Variants in SBF2 observed in about 807,000 individuals in gnomAD.
SBF2 encodes the protein SET binding factor 2, also known as myotubularin-related protein 13.
A neutral mutation model predicts 225.2 loss-of-function variants in SBF2; 112 were observed. The ratio of observed to expected loss-of-function variants is 0.50; its 90% CI spans 0.43 to 0.58. The LOEUF (loss-of-function observed/expected upper bound fraction) is 0.58, where lower values mean the gene tolerates loss of function less well. Ranked by LOEUF, SBF2 falls within the 20% of genes least tolerant of loss-of-function variation. The pLI is 0.00. For synonymous variants in SBF2, 763 were observed against 773.3 expected (o/e 0.99, Z 0.22); for missense variants, 1,996 against 2,206.2 (o/e 0.90, Z 1.91).
intron 1 of SBF2, among the ~76,000 whole-genome samples, chr11:10,229,703 T>C (rs552733486): frequency 2.0e-5 from 3 of 152,336 alleles, no homozygotes; most frequent in East Asian, 3.9e-4. Flanking sequence ...TCTGTTCTTT[T>C]ACATTTGCTG....
intron 2 of SBF2, among the ~76,000 whole-genome samples, chr11:10,118,351 A>G (rs1953266239): frequency 6.6e-6 from 1 of 152,202 alleles, no homozygotes; most frequent in Admixed American, 6.5e-5. Flanking sequence ...AAAACGCAAA[A>G]AGTCAAGTGT....
chr11:10,065,598 T>C (rs942500749), intron 2 of SBF2, among the ~76,000 whole-genome samples: 7 of 152,162 alleles, frequency 4.6e-5, no homozygotes, highest in Admixed American at 4.6e-4. Flanking sequence ...GGGAATATTA[T>C]GAAAAACATC....
At chr11:9,961,828 A>T (rs773704212) in intron 16 of SBF2, 129 bp downstream of exon 16, 1 of 696,266 alleles carries the variant, frequency 1.4e-6, no homozygotes, top group Non-Finnish European at 2.3e-6. Context: ...GAAATGATAG[A>T]GATACTGACG....
At chr11:10,108,700 A>G (rs1327410313) in intron 2 of SBF2, among the ~76,000 whole-genome samples, 1 of 150,540 alleles carries the variant, frequency 6.6e-6, no homozygotes, top group East Asian at 2.0e-4. Context: ...AATTTTTTGT[A>G]TTTTTAGTAG....
intron 1 of SBF2, among the ~76,000 whole-genome samples, chr11:10,279,156 A>C (rs1165751199): frequency 1.4e-5 from 2 of 147,698 alleles, no homozygotes. Context: ...TCATGCCTGT[A>C]ATCTCAGCAC....
chr11:10,218,803 C>T (rs1456418329), intron 1 of SBF2, among the ~76,000 whole-genome samples: 3 of 152,178 alleles, frequency 2.0e-5, no homozygotes, highest in South Asian at 2.1e-4. Context: ...AGTCATTAAA[C>T]CTTAAATTTC....
At chr11:10,274,410 G>C (rs920484416) in intron 1 of SBF2, among the ~76,000 whole-genome samples, 10 of 152,002 alleles carry the variant, frequency 6.6e-5, no homozygotes, top group Middle Eastern at 3.2e-3. Flanking sequence ...TTTTATTAAG[G>C]GTTTCATTTT....
intron 1 of SBF2, among the ~76,000 whole-genome samples, chr11:10,202,800 G>C (rs1957615396): frequency 6.6e-6 from 1 of 151,926 alleles, no homozygotes; most frequent in South Asian, 2.1e-4. Flanking sequence ...AAAAACAAAA[G>C]GTCCAAAAAT....
chr11:10,031,199 A>G (rs1376804584), intron 3 of SBF2, 29 bp from the exon 4 acceptor site: 1 of 1,610,832 alleles, frequency 6.2e-7, no homozygotes, highest in Non-Finnish European at 8.5e-7. Flanking sequence ...AAATCAACAA[A>G]CAGAAGGGAT....
chr11:9,781,596 G>A lies in SBF2; in HGVS notation c.5362C>T (p.His1788Tyr). 1.9e-6 allele frequency: 3 copies of A among 1,614,206 alleles called. No individual in the cohort carries two copies. The South Asian group carries it at 3.3e-5, about 18-fold the overall frequency. Reference protein sequence around the residue: ...DSGEDTSCKGHIDLAEVEMVI... With the variant: ...DSGEDTSCKGYIDLAEVEMVI... ...ATTTCTACTTCAGCCAGATCAATGT[G>A]GCCTTTACAGCTTGTGTCCTCACCT... Residue 1788 changes from histidine (H) to tyrosine (Y), a missense_variant, in exon 39 of 40, where the codon CAC (histidine) becomes TAC (tyrosine). Coordinates refer to ENST00000256190, the MANE Select transcript of SBF2 (RefSeq NM_030962.4).
At position 9,816,929 on chromosome 11, in the gene SBF2, C is replaced by T; in HGVS notation, c.3889G>A (p.Ala1297Thr). The T allele has an allele frequency of 1.2e-6, 2 of 1,614,102 alleles. No homozygotes were observed. Among genetic ancestry groups the T allele is most frequent in the East Asian group, 4.5e-5 (2 of 44,884 alleles). Reference protein sequence around the residue: ...GARLAGKDHSASFSNSSYLQN... With the variant: ...GARLAGKDHSTSFSNSSYLQN... ...AGGTAGCTGCTGTTACTGAAGGAGG[C>T]CGAGTGATCCTTGCCTGCCAGCCGG... Residue 1297 changes from alanine to threonine, a missense_variant, in exon 29 of 40, where the codon GCC (alanine) becomes ACC (threonine). Transcript: ENST00000256190.
intron 2 of SBF2, among the ~76,000 whole-genome samples, chr11:10,068,781 C>G (rs1001690263): frequency 2.6e-5 from 4 of 152,116 alleles, no homozygotes; most frequent in Admixed American, 2.6e-4. Context: ...TACCTCAAAA[C>G]TTGAATCAAT....
intron 32 of SBF2, among the ~76,000 whole-genome samples, chr11:9,805,829 G>T (rs112589225): frequency 9.2e-5 from 14 of 152,110 alleles, no homozygotes; most frequent in East Asian, 7.8e-4. Context: ...TCACCATGTT[G>T]GCCAGGATGG....
Position 9,845,649 on chromosome 11 carries a change from ATGGACTGAGGAT to A in SBF2, c.3014_3025del (p.Tyr1005_Ile1009delinsPhe). ...AGCAGCAAAAGCAAAGGTACTGAAAATGGACTGAGGATAACGGAACTTCATCAGCTGTTTCTT... is the reference window on the plus strand; with the variant it reads ...AGCAGCAAAAGCAAAGGTACTGAAAAAACGGAACTTCATCAGCTGTTTCTT... On this transcript the variant is annotated inframe_deletion, in exon 24 of 40. Coordinates refer to ENST00000256190, the MANE Select transcript of SBF2 (RefSeq NM_030962.4). 6.2e-7 allele frequency: 1 copy of A among 1,613,974 alleles called. No individual in the cohort carries two copies. The highest frequency in any genetic ancestry group is 8.5e-7 in the Non-Finnish European group (1 of 1,179,828).
intron 1 of SBF2, among the ~76,000 whole-genome samples, chr11:10,301,257 G>A (rs1343820723): frequency 2.6e-5 from 4 of 152,252 alleles, no homozygotes; most frequent in Admixed American, 6.5e-5. Flanking sequence ...TCCCGGAACT[G>A]TATGCCTATT....
At chr11:9,796,496 A>G (rs1853135409) in intron 32 of SBF2, among the ~76,000 whole-genome samples, 1 of 152,224 alleles carries the variant, frequency 6.6e-6, no homozygotes, top group Non-Finnish European at 1.5e-5. Context: ...AGGATTGAGA[A>G]GAGAAGGTGG....
chr11:9,938,940 A>G (rs1413671059), intron 16 of SBF2, among the ~76,000 whole-genome samples: 2 of 152,118 alleles, frequency 1.3e-5, no homozygotes, highest in African/African-American at 4.8e-5. Flanking sequence ...TTGGGAAAAA[A>G]TTGTAAAGGG....
At chr11:9,879,357 T>C (rs987223831) in intron 17 of SBF2, among the ~76,000 whole-genome samples, 1 of 152,236 alleles carries the variant, frequency 6.6e-6, no homozygotes, top group Admixed American at 6.5e-5. Context: ...ATTATGTTAT[T>C]AGGCTGTATC....
chr11:9,800,484 G>A (rs987183985), intron 32 of SBF2, among the ~76,000 whole-genome samples: 11 of 151,682 alleles, frequency 7.3e-5, no homozygotes, highest in Admixed American at 6.6e-4. Flanking sequence ...TCGGCTCACT[G>A]CAAGCTCCAC....
Sources: gnomAD v4.1 joint callset for allele counts (sites outside exome capture counted in the v4.1 genomes callset) on GRCh38, gnomAD v4.1.1 for gene constraint, MANE v1.5 for transcripts, NCBI Gene and HGNC (gene_info 2026-07-23, HGNC 2026-07-21) for gene names.